The following ITPR2 variants were observed in gnomAD, a reference collection of about 807,000 sequenced individuals.
ITPR2 encodes inositol 1,4,5-trisphosphate receptor type 2.
In ITPR2, 207 loss-of-function variants were observed where a neutral mutation model predicts 317.1. The ratio of observed to expected loss-of-function variants is 0.65; its 90% CI spans 0.58 to 0.73. The LOEUF is 0.73. Ranked by LOEUF, ITPR2 falls within the 30% of genes least tolerant of loss-of-function variation. ITPR2 has a pLI of 0.00. For synonymous variants in ITPR2, 1,156 were observed against 1,149.1 expected (o/e 1.01, Z -0.12); for missense variants, 2,613 against 3,284.0 (o/e 0.80, Z 4.99).
At chr12:26,430,901 A>G (rs1409442363) in intron 48 of ITPR2, among the ~76,000 whole-genome samples, 1 of 152,142 alleles carries the variant, frequency 6.6e-6, no homozygotes, top group Non-Finnish European at 1.5e-5. Flanking sequence ...CTGCCTCCCA[A>G]GTAGCCTCAT....
At chr12:26,664,374 A>T (rs11048635) in intron 14 of ITPR2, among the ~76,000 whole-genome samples, 20 of 152,116 alleles carry the variant, frequency 1.3e-4, no homozygotes, top group African/African-American at 4.8e-4. Flanking sequence ...ATCGATGAAC[A>T]TATCAGCATT....
Position 26,722,489 on chromosome 12 carries a change from T to G in ITPR2, c.433A>C (p.Asn145His), listed in dbSNP as rs759542652. Residue 145 changes from asparagine to histidine, a missense_variant, in exon 5 of 57, where the codon AAT becomes CAT. Transcript: ENST00000381340. ...NKRLPALLEK[N>H]AMRVSLDAAG... ...GCATCCAAGGACACACGCATGGCATTCTTCTCCAGTAAAGCAGGTAATCTC... is the reference window on the plus strand; with the variant it reads ...GCATCCAAGGACACACGCATGGCATGCTTCTCCAGTAAAGCAGGTAATCTC... 1.2e-6 allele frequency: 2 copies of G among 1,613,256 alleles called. No homozygotes were observed. The highest frequency in any genetic ancestry group is 3.3e-5 in the Admixed American group (2 of 59,966).
chr12:26,356,212 C>A (rs907656944), intron 55 of ITPR2, among the ~76,000 whole-genome samples: 1 of 152,178 alleles, frequency 6.6e-6, no homozygotes, highest in Non-Finnish European at 1.5e-5. Flanking sequence ...TTCACTGTCA[C>A]CACCAATGAA....
At chr12:26,586,891 G>A (rs772767798) in intron 32 of ITPR2, among the ~76,000 whole-genome samples, 4 of 152,074 alleles carry the variant, frequency 2.6e-5, no homozygotes, top group Non-Finnish European at 5.9e-5. Flanking sequence ...TATAGTAATT[G>A]TCATAATAGT....
intron 39 of ITPR2, among the ~76,000 whole-genome samples, chr12:26,491,352 G>A (rs1469538529): frequency 6.6e-6 from 1 of 151,504 alleles, no homozygotes; most frequent in African/African-American, 2.4e-5. Flanking sequence ...GCGTGGTGGT[G>A]GGCACCTGTA....
At chr12:26,428,304 C>T (rs1249235696) in intron 48 of ITPR2, among the ~76,000 whole-genome samples, 2 of 152,174 alleles carry the variant, frequency 1.3e-5, no homozygotes, top group Admixed American at 6.5e-5. Context: ...TTTCAAGCTA[C>T]TTAAATACTC....
chr12:26,479,785 G>C (rs1173877176), intron 43 of ITPR2, among the ~76,000 whole-genome samples: 1 of 152,158 alleles, frequency 6.6e-6, no homozygotes, highest in South Asian at 2.1e-4. Context: ...TATTAAAAAA[G>C]CATTTAAGCT....
At chr12:26,552,189 G>GT (rs1229998788) in intron 36 of ITPR2, among the ~76,000 whole-genome samples, 9 of 151,476 alleles carry the variant, frequency 5.9e-5, no homozygotes, top group Non-Finnish European at 7.4e-5. Flanking sequence ...ATGGTGATCA[G>GT]TTTTTTTTTA....
chr12:26,802,403 T>C (rs1454706487), intron 1 of ITPR2, among the ~76,000 whole-genome samples: 1 of 152,010 alleles, frequency 6.6e-6, no homozygotes, highest in Non-Finnish European at 1.5e-5. Flanking sequence ...ATGCTAGCAC[T>C]TTGCGAGGCC....
intron 50 of ITPR2, among the ~76,000 whole-genome samples, chr12:26,418,189 G>A (rs776005783): frequency 1.1e-4 from 17 of 152,160 alleles, no homozygotes; most frequent in Non-Finnish European, 2.2e-4. Context: ...GAGGCAGGAG[G>A]TGCTGGATTT....
intron 21 of ITPR2, 44 bp from the exon 22 acceptor site, chr12:26,632,103 A>G (rs774498714): frequency 1.9e-5 from 27 of 1,447,572 alleles, no homozygotes; most frequent in Admixed American, 2.4e-5. Flanking sequence ...CAACCCCTGG[A>G]GATCATGTAA....
At chr12:26,423,053 C>T (rs1940944521) in intron 49 of ITPR2, among the ~76,000 whole-genome samples, 1 of 152,110 alleles carries the variant, frequency 6.6e-6, no homozygotes, top group African/African-American at 2.4e-5. Flanking sequence ...GAACAGTAAG[C>T]ACAGGTCATG....
At chr12:26,433,760 G>C (rs1444571728) in intron 48 of ITPR2, among the ~76,000 whole-genome samples, 1 of 152,126 alleles carries the variant, frequency 6.6e-6, no homozygotes. Context: ...TATTTAGCTG[G>C]ACTGAGGTAG....
chr12:26,796,563 C>T (rs761705150), intron 1 of ITPR2, among the ~76,000 whole-genome samples: 2 of 152,148 alleles, frequency 1.3e-5, no homozygotes, highest in African/African-American at 2.4e-5. Flanking sequence ...AAGTTGAACA[C>T]GGGCATGCCC....
At chr12:26,669,878 G>A (rs1007814826) in intron 13 of ITPR2, among the ~76,000 whole-genome samples, 12 of 152,218 alleles carry the variant, frequency 7.9e-5, no homozygotes, top group African/African-American at 2.4e-4. Context: ...CTTAAAAAAC[G>A]GCGCACCAGG....
At chr12:26,681,446 CT>C (rs923590332) in intron 13 of ITPR2, among the ~76,000 whole-genome samples, 1 of 151,196 alleles carries the variant, frequency 6.6e-6, no homozygotes, top group Admixed American at 6.6e-5. Context: ...TTTTTTTTTT[CT>C]GGTTTTACAT....
chr12:26,595,039 C>G (rs1945807027), intron 32 of ITPR2, among the ~76,000 whole-genome samples: 1 of 152,186 alleles, frequency 6.6e-6, no homozygotes, highest in African/African-American at 2.4e-5. Flanking sequence ...AGGCCAAGTC[C>G]TCAGTCGGCT....
At chr12:26,812,652 T>A (rs1478255552) in intron 1 of ITPR2, among the ~76,000 whole-genome samples, 1 of 152,202 alleles carries the variant, frequency 6.6e-6, no homozygotes, top group African/African-American at 2.4e-5. Flanking sequence ...GCTTTCCAGA[T>A]ACTCAAACAG....
chr12:26,760,785 C>G (rs1017251549), intron 2 of ITPR2, among the ~76,000 whole-genome samples: 1 of 152,102 alleles, frequency 6.6e-6, no homozygotes, highest in African/African-American at 2.4e-5. Flanking sequence ...AAACACATTC[C>G]CTGAGATGAT....
Sources: allele counts gnomAD v4.1 joint callset (sites outside exome capture counted in the v4.1 genomes callset), GRCh38; gene constraint gnomAD v4.1.1; transcripts MANE v1.5; gene names NCBI Gene and HGNC (gene_info 2026-07-23, HGNC 2026-07-21).